DRD2: variants seen among roughly 807,000 people sequenced by gnomAD.
DRD2 encodes the protein dopamine receptor D2, also known as D(2) dopamine receptor.
A neutral mutation model predicts 38.0 loss-of-function variants in DRD2; 8 were observed. The observed-to-expected ratio is 0.21, with a 90% CI of 0.12 to 0.38. DRD2 has a LOEUF of 0.38. Among genes scored for constraint, DRD2 ranks in the 10% least tolerant of loss-of-function variants. DRD2 has a pLI of 1.00. For missense variants in DRD2, 403 were observed against 607.7 expected (o/e 0.66, Z 3.54); for synonymous variants, 230 against 238.6 (o/e 0.96, Z 0.33).
chr11:113,460,248 T>C lies in DRD2; in HGVS notation c.-32+14828A>G, dbSNP rs114057774. 6.5e-3 allele frequency among the ~76,000 whole-genome samples: 997 copies of C among 152,270 alleles called. 9 individuals are homozygous for C. The highest frequency in any genetic ancestry group is 0.023 in the African/African-American group (955 of 41,564). ...GGACCCTGCCCTCTCCTGGCTGGCA[T>C]TGGTGCCCTGCCCTCCCCAGTCACC... is the stretch of plus-strand genomic sequence containing the variant. On this transcript the variant is annotated intron_variant, in intron 1 of 7. Coordinates refer to ENST00000362072, the MANE Select transcript of DRD2 (RefSeq NM_000795.4).
At chr11:113,425,349 C>A (rs1366959086) in intron 1 of DRD2, among the ~76,000 whole-genome samples, 1 of 152,138 alleles carries the variant, frequency 6.6e-6, no homozygotes, top group Admixed American at 6.6e-5. Context: ...AAGGTCTAGA[C>A]ATTGGAAGCA....
chr11:113,465,881 C>T (rs893368894), intron 1 of DRD2, among the ~76,000 whole-genome samples: 2 of 152,176 alleles, frequency 1.3e-5, no homozygotes, highest in African/African-American at 2.4e-5. Context: ...CACTTCTCTG[C>T]CCACTGATAA....
At position 113,414,437 on chromosome 11, in the gene DRD2, T is replaced by C. The variant is rs775998947; in HGVS notation, c.748A>G (p.Met250Val). 3 of 1,614,210 alleles carry C rather than the reference T, an allele frequency of 1.9e-6. No homozygotes were observed. Among genetic ancestry groups the C allele is most frequent in the South Asian group, 2.2e-5 (2 of 91,086 alleles). Residue 250 changes from methionine to valine, a missense_variant, in exon 6 of 8, where the codon ATG (methionine) becomes GTG (valine). Transcript: ENST00000362072. ...LKGNCTHPED[M>V]KLCTVIMKSN... The stretch of plus-strand genomic sequence containing the variant: ...TTCATGATAACGGTGCAGAGTTTCA[T>C]GTCCTCGGGGTGAGTACAGTTGCCC...
At chr11:113,470,111 G>C (rs1951409148) in intron 1 of DRD2, among the ~76,000 whole-genome samples, 1 of 152,150 alleles carries the variant, frequency 6.6e-6, no homozygotes, top group African/African-American at 2.4e-5. Flanking sequence ...AGAGTTCCTG[G>C]GAGTTGCTAG....
chr11:113,424,360 C>G lies in DRD2; in HGVS notation c.285+7G>C. On this transcript the variant is annotated splice_region_variant and intron_variant, in intron 2 of 7. Transcript: ENST00000362072. ...AAAGTGCTGGAGCAAGCAGGGGGCC[C>G]ACCTACCTCCAGGTAGACAACCCAG... 1 of 1,613,830 alleles carries G rather than the reference C, an allele frequency of 6.2e-7. No individual in the cohort carries two copies. The highest frequency in any genetic ancestry group is 1.7e-4 in the Middle Eastern group (1 of 6,058).
Position 113,439,838 on chromosome 11 carries a change from CAAAAAAAAAAAAAA to C in DRD2, c.-31-15170_-31-15157del, listed in dbSNP as rs67577307. On this transcript the variant is annotated intron_variant, in intron 1 of 7. Coordinates refer to ENST00000362072, the MANE Select transcript of DRD2 (RefSeq NM_000795.4). ...TGGGTGACAGAGGGAGGCTCTGTCT[CAAAAAAAAAAAAAA>C]AAAAAAAAAAAAAAAAAAAAAAGCT... 1.2e-3 allele frequency among the ~76,000 whole-genome samples: 19 copies of C among 16,252 alleles called. No individual in the cohort carries two copies. The South Asian group carries it at 0.019, about 16-fold the overall frequency. 10.7% of individuals were successfully genotyped at this position (16,252 alleles called of 152,430 possible).
intron 1 of DRD2, among the ~76,000 whole-genome samples, chr11:113,472,510 G>C (rs1320840385): frequency 6.6e-6 from 1 of 152,188 alleles, no homozygotes; most frequent in East Asian, 1.9e-4. Context: ...TTTCTAGACA[G>C]AAATAATCCA....
At chr11:113,416,814 C>A (rs1950832168) in intron 4 of DRD2, 49 bp downstream of exon 4, 1 of 1,604,974 alleles carries the variant, frequency 6.2e-7, no homozygotes, top group South Asian at 1.1e-5. Context: ...TTCGAGGGAG[C>A]AGGGGCCCAG....
chr11:113,445,640 C>T (rs776025212), intron 1 of DRD2, among the ~76,000 whole-genome samples: 3 of 152,184 alleles, frequency 2.0e-5, no homozygotes, highest in Non-Finnish European at 4.4e-5. Context: ...GCTGACTGCG[C>T]ATGCAAGGGG....
At chr11:113,458,259 G>T (rs909532870) in intron 1 of DRD2, among the ~76,000 whole-genome samples, 2 of 152,270 alleles carry the variant, frequency 1.3e-5, no homozygotes, top group Non-Finnish European at 2.9e-5. Context: ...ATGATTTTCT[G>T]CCCTCACCTT....
intron 1 of DRD2, among the ~76,000 whole-genome samples, chr11:113,443,649 G>T (rs1475378432): frequency 1.3e-5 from 2 of 152,230 alleles, no homozygotes; most frequent in African/African-American, 4.8e-5. Flanking sequence ...TCGCCAGGCA[G>T]TTAGTCCTCT....
At chr11:113,465,396 G>GTTT (rs1565680037) in intron 1 of DRD2, among the ~76,000 whole-genome samples, 16 of 139,800 alleles carry the variant, frequency 1.1e-4, no homozygotes, top group Admixed American at 1.5e-4. Context: ...TGCCTGGCCA[G>GTTT]TTTTTGTTGT....
intron 1 of DRD2, among the ~76,000 whole-genome samples, chr11:113,426,394 G>A (rs1487101908): frequency 6.6e-6 from 1 of 152,162 alleles, no homozygotes; most frequent in Non-Finnish European, 1.5e-5. Flanking sequence ...GGATAATATA[G>A]TTGGCTTTTC....
At chr11:113,425,166 T>C (rs372242800) in intron 1 of DRD2, among the ~76,000 whole-genome samples, 16 of 152,350 alleles carry the variant, frequency 1.1e-4, no homozygotes, top group South Asian at 8.3e-4. Context: ...CAACAGCCAA[T>C]TAATCAAGCA....
chr11:113,468,766 G>A (rs1951393969), intron 1 of DRD2, among the ~76,000 whole-genome samples: 1 of 152,084 alleles, frequency 6.6e-6, no homozygotes, highest in African/African-American at 2.4e-5. Context: ...CAGGCTGGTT[G>A]TGAACTCCTG....
intron 1 of DRD2, chr11:113,474,189 A>T (rs945793162): frequency 1.3e-5 from 2 of 152,358 alleles, no homozygotes; most frequent in African/African-American, 4.8e-5. Flanking sequence ...ACTTGTGTCC[A>T]TGGTGAAGCC....
rs75104914 is a variant in DRD2 at position 113,440,861 on chromosome 11, C to T, written c.-31-16179G>A. The stretch of plus-strand genomic sequence containing the variant: ...CAGAATATAAACACTTCGGTCTTAC[C>T]TTGGGGCTCCTGGGACACAGATGAG... On this transcript the variant is annotated intron_variant, in intron 1 of 7. Transcript: ENST00000362072. Among the ~76,000 whole-genome samples the T allele has an allele frequency of 1.4e-3, 217 of 152,278 alleles. 1 individual carries two copies. Among genetic ancestry groups the T allele is most frequent in the Admixed American group, 4.2e-3 (65 of 15,300 alleles).
chr11:113,410,702 G>A lies in DRD2; in HGVS notation c.*25C>T, dbSNP rs529229849. 11 of 1,613,884 alleles carry A rather than the reference G, an allele frequency of 6.8e-6. No individual in the cohort carries two copies. The South Asian group carries it at 8.8e-5, about 13-fold the overall frequency. On this transcript the variant is annotated 3_prime_UTR_variant, in exon 8 of 8. Transcript: ENST00000362072. Reference sequence around the variant, plus strand: ...GCCTGGGCAGGGAGGTGGGAAGCAGGCTGCTGTGCGGGCAGGCAGCAGAGT... The same window carrying A: ...GCCTGGGCAGGGAGGTGGGAAGCAGACTGCTGTGCGGGCAGGCAGCAGAGT...
chr11:113,453,715 C>T (rs1011359823), intron 1 of DRD2, among the ~76,000 whole-genome samples: 2 of 152,118 alleles, frequency 1.3e-5, no homozygotes, highest in South Asian at 2.1e-4. Flanking sequence ...ACGGAGATGC[C>T]GGCACACGGA....
Sources: gnomAD v4.1 joint callset for allele counts (sites outside exome capture counted in the v4.1 genomes callset) on GRCh38, gnomAD v4.1.1 for gene constraint, MANE v1.5 for transcripts, NCBI Gene and HGNC (gene_info 2026-07-23, HGNC 2026-07-21) for gene names.